The following FOXI1 variants were observed in gnomAD, a reference collection of about 807,000 sequenced individuals.
The protein encoded by FOXI1 is forkhead box I1.
A neutral mutation model predicts 16.4 loss-of-function variants in FOXI1; 11 were observed. That is an observed-to-expected ratio of 0.67 (90% CI 0.42 to 1.11). The LOEUF is 1.11. FOXI1 is among the 50% of genes least tolerant of loss of function. The pLI is 0.00. For missense variants in FOXI1, 480 were observed against 506.1 expected (o/e 0.95, Z 0.49); for synonymous variants, 218 against 211.5 (o/e 1.03, Z -0.27).
rs1199491010 is a variant in FOXI1 at position 170,106,870 on chromosome 5, C to G, written c.574+339C>G. 3 of 439,960 alleles carry G rather than the reference C, an allele frequency of 6.8e-6. No individual in the cohort carries two copies. The South Asian group carries it at 2.9e-4, about 42-fold the overall frequency. 27.3% of individuals were successfully genotyped at this position (439,960 alleles called of 1,614,324 possible). A position where few individuals can be genotyped will look rare whatever the true frequency, so the allele number is the denominator to read the frequency against. On this transcript the variant is annotated intron_variant, in intron 1 of 1. Coordinates refer to ENST00000306268, the MANE Select transcript of FOXI1 (RefSeq NM_012188.5). Reference sequence around the variant, plus strand: ...ATGTACACAAGGTTTTAGGTGTTATCAAGCGCTTAATCGCCTGCAGTAATT... The same window carrying G: ...ATGTACACAAGGTTTTAGGTGTTATGAAGCGCTTAATCGCCTGCAGTAATT...
rs957680455 is a variant in FOXI1 at position 170,108,670 on chromosome 5, C to T, written c.*59C>T. On this transcript the variant is annotated 3_prime_UTR_variant, in exon 2 of 2. Coordinates refer to ENST00000306268, the MANE Select transcript of FOXI1 (RefSeq NM_012188.5). ...CAGAGAGAAAAGCAGTAGAGGTCCT[C>T]CATGCCAGCCCCACGGTGGTCCATG... The T allele has an allele frequency of 2.6e-5, 34 of 1,323,992 alleles. No individual in the cohort carries two copies. The highest frequency in any genetic ancestry group is 9.8e-6 in the Non-Finnish European group (9 of 916,738). The allele number at this position is 1,323,992 out of a possible 1,614,324, so 82.0% of individuals were successfully genotyped here. A position where few individuals can be genotyped will look rare whatever the true frequency, so the allele number is the denominator to read the frequency against.
Position 170,108,700 on chromosome 5 carries a change from C to T in FOXI1, c.*89C>T, listed in dbSNP as rs1183127718. ...CCAGCCCCACGGTGGTCCATGACTG[C>T]GGAACTGCCCAGACATAAGCAGGAG... On this transcript the variant is annotated 3_prime_UTR_variant, in exon 2 of 2. Transcript: ENST00000306268. 26 of 1,007,478 alleles carry T rather than the reference C, an allele frequency of 2.6e-5. No homozygotes were observed. The highest frequency in any genetic ancestry group is 1.0e-4 in the South Asian group (8 of 78,012). The allele number at this position is 1,007,478 out of a possible 1,614,324, so 62.4% of individuals were successfully genotyped here.
rs1282057364 is a variant in FOXI1, at chr5:170,106,300, C to A, written c.343C>A (p.Gln115Lys). ...SDLGWLPIPS[Q>K]EELMKLVRPP... is the part of the protein sequence containing the mutation. ...CCTGGGCTGGCTGCCCATCCCCTCGCAGGAGGAGCTGATGAAGCTGGTGCG... is the reference window on the plus strand; with the variant it reads ...CCTGGGCTGGCTGCCCATCCCCTCGAAGGAGGAGCTGATGAAGCTGGTGCG... The change falls in exon 1 of 2, where the codon CAG becomes AAG. Residue 115 changes from glutamine (Q) to lysine (K), a missense_variant. Physicochemically the swap from Gln to Lys is moderately conservative, Grantham distance 53. Coordinates refer to ENST00000306268, the MANE Select transcript of FOXI1 (RefSeq NM_012188.5). The A allele has an allele frequency of 3.1e-6, 5 of 1,589,034 alleles. No individual in the cohort carries two copies. The highest frequency in any genetic ancestry group is 4.3e-6 in the Non-Finnish European group (5 of 1,167,904).
At position 170,109,449 on chromosome 5, in the gene FOXI1, T is replaced by G. The variant is rs2084876210; in HGVS notation, c.*838T>G. On this transcript the variant is annotated 3_prime_UTR_variant, in exon 2 of 2. Transcript: ENST00000306268. Reference sequence around the variant, plus strand: ...CCCAGCACTGCCCATCTGTAAAATCTTGTAAAGCCCAGTTTCCTGTGTGCA... The same window carrying G: ...CCCAGCACTGCCCATCTGTAAAATCGTGTAAAGCCCAGTTTCCTGTGTGCA... The G allele has an allele frequency of 6.6e-6, 1 of 152,196 alleles. No individual in the cohort carries two copies. The highest frequency in any genetic ancestry group is 1.5e-5 in the Non-Finnish European group (1 of 68,048). 9.4% of individuals were successfully genotyped at this position (152,196 alleles called of 1,614,324 possible).
chr5:170,106,101 C>G lies in FOXI1; in HGVS notation c.144C>G (p.Ser48=). Residue 48 remains serine (S), a synonymous_variant, in exon 1 of 2, where the codon TCC becomes TCG. Coordinates refer to ENST00000306268, the MANE Select transcript of FOXI1 (RefSeq NM_012188.5). ...PQGVPSPQRP[S]FEGGGEYGAT... Reference sequence around the variant, plus strand: ...GCGTGCCCAGCCCTCAGCGGCCCTCCTTCGAGGGGGGCGGCGAGTATGGGG... The same window carrying G: ...GCGTGCCCAGCCCTCAGCGGCCCTCGTTCGAGGGGGGCGGCGAGTATGGGG... 1 of 1,613,262 alleles carries G rather than the reference C, an allele frequency of 6.2e-7. No homozygotes were observed. Among genetic ancestry groups the G allele is most frequent in the Non-Finnish European group, 8.5e-7 (1 of 1,179,580 alleles).
At position 170,108,889 on chromosome 5, in the gene FOXI1, A is replaced by G; in HGVS notation, c.*278A>G. ...ACTAGGCTCTGTACTGGCCACACTT[A>G]CTATTGACAGTCACCCCGTAAGGTT... On this transcript the variant is annotated 3_prime_UTR_variant, in exon 2 of 2. Transcript: ENST00000306268. 1 of 461,974 alleles carries G rather than the reference A, an allele frequency of 2.2e-6. No homozygotes were observed. The highest frequency in any genetic ancestry group is 3.9e-6 in the Non-Finnish European group (1 of 254,918). 28.6% of individuals were successfully genotyped at this position (461,974 alleles called of 1,614,324 possible).
At chr5:170,107,663 C>T (rs1237174396) in intron 1 of FOXI1, among the ~76,000 whole-genome samples, 1 of 152,266 alleles carries the variant, frequency 6.6e-6, no homozygotes, top group Non-Finnish European at 1.5e-5. Flanking sequence ...CTTCAGACTC[C>T]AAGCCTACGG....
intron 1 of FOXI1, 78 bp downstream of exon 1, chr5:170,106,609 T>A: frequency 1.3e-6 from 2 of 1,577,370 alleles, no homozygotes; most frequent in Non-Finnish European, 1.7e-6. Flanking sequence ...TTCTAGAAAG[T>A]TCTGACTAGG....
chr5:170,107,038 GC>G, intron 1 of FOXI1: 1 of 983,634 alleles, frequency 1.0e-6, no homozygotes, highest in Non-Finnish European at 1.2e-6. Context: ...GGCCCATTTT[GC>G]TGCCTGCCTT....
chr5:170,108,842 CA>C lies in FOXI1; in HGVS notation c.*232del, dbSNP rs1581594679. 3.4e-6 allele frequency: 2 copies of C among 584,552 alleles called. No individual in the cohort carries two copies. The highest frequency in any genetic ancestry group is 3.7e-5 in the African/African-American group (2 of 53,634). The allele number at this position is 584,552 out of a possible 1,614,324, so 36.2% of individuals were successfully genotyped here. A position where few individuals can be genotyped will look rare whatever the true frequency, so the allele number is the denominator to read the frequency against. On this transcript the variant is annotated 3_prime_UTR_variant, in exon 2 of 2. Transcript: ENST00000306268. ...AGAAATACTGGTGCCTGCAGAGCAGCACTAACAGTGGCAGGTGCTGTACTAG... is the reference window on the plus strand; with the variant it reads ...AGAAATACTGGTGCCTGCAGAGCAGCCTAACAGTGGCAGGTGCTGTACTAG...
At chr5:170,106,803 G>A (rs964380310) in intron 1 of FOXI1, 5 of 247,240 alleles carry the variant, frequency 2.0e-5, no homozygotes, top group Non-Finnish European at 2.6e-5. Flanking sequence ...CAGGGATAGT[G>A]ACAGCATCTG....
chr5:170,108,413 G>A lies in FOXI1; in HGVS notation c.939G>A (p.Gly313=). The change falls in exon 2 of 2, where the codon GGG becomes GGA. Residue 313 remains glycine (G), a synonymous_variant. Coordinates refer to ENST00000306268, the MANE Select transcript of FOXI1 (RefSeq NM_012188.5). ...GCCCTGAGCCCAGTGACAAGACGGG[G>A]CAGAACTCACTGACCTTCAACTCCT... The part of the protein sequence containing the change: ...GLSPEPSDKT[G]QNSLTFNSFS... The A allele has an allele frequency of 6.2e-7, 1 of 1,611,758 alleles. No individual in the cohort carries two copies.
At position 170,106,374 on chromosome 5, in the gene FOXI1, A is replaced by C. The variant is rs1317138005; in HGVS notation, c.417A>C (p.Ala139=). Residue 139 remains alanine (A), a synonymous_variant, in exon 1 of 2, where the codon GCA becomes GCC. Transcript: ENST00000306268. ...TCATCGCCATGGCCATCCACGGGGCACCCGACAAGCGCCTCACTCTCAGCC... is the reference window on the plus strand; with the variant it reads ...TCATCGCCATGGCCATCCACGGGGCCCCCGACAAGCGCCTCACTCTCAGCC... ...SALIAMAIHG[A]PDKRLTLSQI... The C allele has an allele frequency of 1.2e-6, 2 of 1,613,536 alleles. No homozygotes were observed. The highest frequency in any genetic ancestry group is 2.7e-5 in the African/African-American group (2 of 74,902).
In FOXI1 at chr5:170,106,198, G is replaced by A. The variant is rs764898591; in HGVS notation, c.241G>A (p.Ala81Thr). 3 of 1,583,018 alleles carry A rather than the reference G, an allele frequency of 1.9e-6. No individual in the cohort carries two copies. Among genetic ancestry groups the A allele is most frequent in the Admixed American group, 3.5e-5 (2 of 56,504 alleles). ...TPPPYLPGPN[A>T]SPFLPQAYGV... ...GCCACCCTACCTGCCCGGCCCCAAC[G>A]CCAGCCCCTTCCTGCCCCAGGCCTA... The change falls in exon 1 of 2, where the codon GCC (alanine) becomes ACC (threonine). Residue 81 changes from alanine to threonine, a missense_variant. Ala to Thr is a moderately conservative substitution (Grantham distance 58). Transcript: ENST00000306268.
chr5:170,108,324 T>C lies in FOXI1; in HGVS notation c.850T>C (p.Ser284Pro). 1 of 1,613,974 alleles carries C rather than the reference T, an allele frequency of 6.2e-7. No homozygotes were observed. The highest frequency in any genetic ancestry group is 8.5e-7 in the Non-Finnish European group (1 of 1,179,972). Residue 284 changes from serine (S) to proline (P), a missense_variant, in exon 2 of 2, where the codon TCT becomes CCT. Coordinates refer to ENST00000306268, the MANE Select transcript of FOXI1 (RefSeq NM_012188.5). The stretch of plus-strand genomic sequence containing the variant: ...CCCTTGCCTTAACAGCTTCCTTTCC[T>C]CTATGACAGCCTATGTGAGCGGGGG... Reference protein sequence around the residue: ...GAPCLNSFLSSMTAYVSGGSP... With the variant: ...GAPCLNSFLSPMTAYVSGGSP...
rs1259988421 is a variant in FOXI1, at chr5:170,105,913, G to T, written c.-45G>T. On this transcript the variant is annotated 5_prime_UTR_variant, in exon 1 of 2. Transcript: ENST00000306268. ...TGAGCACCTGTCAGGGGCAGCTCCG[G>T]GGTGCAGGTGCCAGGCAGGTGGCTC... 11 of 1,417,656 alleles carry T rather than the reference G, an allele frequency of 7.8e-6. No homozygotes were observed. Among genetic ancestry groups the T allele is most frequent in the Non-Finnish European group, 1.1e-5 (11 of 1,010,608 alleles). The allele number at this position is 1,417,656 out of a possible 1,614,324, so 87.8% of individuals were successfully genotyped here.
chr5:170,108,575 T>G lies in FOXI1; in HGVS notation c.1101T>G (p.Ser367Arg). The G allele has an allele frequency of 6.2e-7, 1 of 1,613,652 alleles. No individual in the cohort carries two copies. Among genetic ancestry groups the G allele is most frequent in the East Asian group, 2.2e-5 (1 of 44,872 alleles). ...ACTTCTACAACAGTGTCAACACCAG[T>G]GGTGTCCTCTACCCCAGGGAGGGCA... ...SPHFYNSVNT[S>R]GVLYPREGTE... The change falls in exon 2 of 2, where the codon AGT becomes AGG. Residue 367 changes from serine to arginine, a missense_variant. By Grantham distance (110) the Ser-to-Arg change is moderately radical. Coordinates refer to ENST00000306268, the MANE Select transcript of FOXI1 (RefSeq NM_012188.5).
Position 170,108,621 on chromosome 5 carries a change from A to G in FOXI1, c.*10A>G. ...GGGCACCGAGGTCTAGGTACAGAACAGCTCCTGAGCCAGGTGGACATGCCA... is the reference window on the plus strand; with the variant it reads ...GGGCACCGAGGTCTAGGTACAGAACGGCTCCTGAGCCAGGTGGACATGCCA... On this transcript the variant is annotated 3_prime_UTR_variant, in exon 2 of 2. Transcript: ENST00000306268. The G allele has an allele frequency of 6.2e-7, 1 of 1,602,308 alleles. No individual in the cohort carries two copies. The highest frequency in any genetic ancestry group is 1.7e-4 in the Middle Eastern group (1 of 6,048).
chr5:170,108,295 G>T lies in FOXI1; in HGVS notation c.821G>T (p.Gly274Val), dbSNP rs759747077. 8 of 1,614,102 alleles carry T rather than the reference G, an allele frequency of 5.0e-6. 1 individual carries two copies. The South Asian group carries it at 8.8e-5, about 18-fold the overall frequency. ...AAGCGGCCCTCCCCTCCCCCATCAG[G>T]CGCCCCTTGCCTTAACAGCTTCCTT... ...PEKRPSPPPS[G>V]APCLNSFLSS... Residue 274 changes from glycine (G) to valine (V), a missense_variant, in exon 2 of 2, where the codon GGC becomes GTC. Transcript: ENST00000306268.
Sources: gnomAD v4.1 joint callset for allele counts (sites outside exome capture counted in the v4.1 genomes callset) on GRCh38, gnomAD v4.1.1 for gene constraint, MANE v1.5 for transcripts, NCBI Gene and HGNC (gene_info 2026-07-23, HGNC 2026-07-21) for gene names.